The following ADARB2 variants were observed in gnomAD, a reference collection of about 807,000 sequenced individuals.
ADARB2 encodes the protein inactive double-stranded RNA-specific editase B2.
A neutral mutation model predicts 62.2 loss-of-function variants in ADARB2; 25 were observed. The ratio of observed to expected loss-of-function variants is 0.40; its 90% CI spans 0.29 to 0.56. The LOEUF (loss-of-function observed/expected upper bound fraction) is 0.56, where lower values mean the gene tolerates loss of function less well. ADARB2 is among the 20% of genes least tolerant of loss of function. The probability of loss-of-function intolerance (pLI) is 0.43; values close to 1 mark genes in which losing one functional copy is unlikely to be tolerated. For missense variants in ADARB2, 1,071 were observed against 1,077.4 expected (o/e 0.99, Z 0.08); for synonymous variants, 572 against 500.8 (o/e 1.14, Z -1.90).
chr10:1,661,630 C>T (rs187079116), intron 1 of ADARB2, among the ~76,000 whole-genome samples: 1 of 152,282 alleles, frequency 6.6e-6, no homozygotes, highest in Non-Finnish European at 1.5e-5. Flanking sequence ...GAGTACAGAA[C>T]CAGCCCAGAG....
intron 1 of ADARB2, among the ~76,000 whole-genome samples, chr10:1,413,414 C>T (rs572025946): frequency 3.6e-4 from 55 of 152,278 alleles, no homozygotes; most frequent in African/African-American, 1.3e-3. Context: ...CCCAAGCTCT[C>T]GGTCTTGAAT....
At chr10:1,447,211 G>A (rs866046623) in intron 1 of ADARB2, among the ~76,000 whole-genome samples, 37 of 152,344 alleles carry the variant, frequency 2.4e-4, no homozygotes, top group African/African-American at 8.2e-4. Flanking sequence ...AGCTAGCAGC[G>A]CTTTATAACA....
chr10:1,694,858 G>A (rs1400956660), intron 1 of ADARB2, among the ~76,000 whole-genome samples: 1 of 152,162 alleles, frequency 6.6e-6, no homozygotes, highest in African/African-American at 2.4e-5. Flanking sequence ...TCACAGCAAA[G>A]GTGAGGCCTG....
intron 1 of ADARB2, among the ~76,000 whole-genome samples, chr10:1,397,449 C>T (rs11250489): frequency 1.6e-3 from 5 of 3,118 alleles, no homozygotes; most frequent in African/African-American, 1.9e-3. Context: ...CCCTCCCGAG[C>T]GCAGGCTTCC....
intron 1 of ADARB2, among the ~76,000 whole-genome samples, chr10:1,683,633 G>T (rs1476994969): frequency 6.6e-6 from 1 of 152,188 alleles, no homozygotes; most frequent in Non-Finnish European, 1.5e-5. Context: ...GACTCACCAG[G>T]TAACTGTCGC....
rs559147677 is a variant in ADARB2 at position 1,695,844 on chromosome 10, A to G, written c.100+41207T>C. Among the ~76,000 whole-genome samples, 7 of 148,408 alleles carry G rather than the reference A, an allele frequency of 4.7e-5. No individual in the cohort carries two copies. The East Asian group carries it at 9.7e-4, about 21-fold the overall frequency. ...TGTGAGAGTGCATGCATGTGTGTGT[A>G]CATGTGTGCATCCATGTACACACAC... On this transcript the variant is annotated intron_variant, in intron 1 of 9. Transcript: ENST00000381312.
chr10:1,211,957 C>T (rs1837158743), intron 7 of ADARB2, among the ~76,000 whole-genome samples: 1 of 152,210 alleles, frequency 6.6e-6, no homozygotes, highest in African/African-American at 2.4e-5. Flanking sequence ...ACTGCCTGCA[C>T]ATCTCACCAT....
At chr10:1,632,470 T>G (rs1033136756) in intron 1 of ADARB2, among the ~76,000 whole-genome samples, 1 of 152,208 alleles carries the variant, frequency 6.6e-6, no homozygotes, top group South Asian at 2.1e-4. Context: ...TGCACACACA[T>G]GCACACACAC....
chr10:1,327,241 A>ACCTCCTCACTGCCCAGCG (rs1564258200), intron 3 of ADARB2, among the ~76,000 whole-genome samples: 16 of 28,842 alleles, frequency 5.5e-4, no homozygotes, highest in African/African-American at 2.0e-3. Flanking sequence ...ACGGCACAGC[A>ACCTCCTCACTGCCCAGCG]CCTCCTCACT....
chr10:1,410,617 A>G (rs1000717741), intron 1 of ADARB2, among the ~76,000 whole-genome samples: 7 of 152,184 alleles, frequency 4.6e-5, no homozygotes, highest in Non-Finnish European at 8.8e-5. Context: ...TGGAGTCTAC[A>G]TAACTGTTGA....
At chr10:1,308,464 T>A (rs1831652925) in intron 3 of ADARB2, among the ~76,000 whole-genome samples, 1 of 152,216 alleles carries the variant, frequency 6.6e-6, no homozygotes, top group African/African-American at 2.4e-5. Context: ...TAAACATCCA[T>A]GTGCCTTTTT....
intron 1 of ADARB2, among the ~76,000 whole-genome samples, chr10:1,461,185 G>T (rs955958167): frequency 1.3e-5 from 2 of 152,186 alleles, no homozygotes; most frequent in South Asian, 2.1e-4. Context: ...TCCAGAAGAA[G>T]TGCCATATCA....
chr10:1,320,517 C>G (rs566837614), intron 3 of ADARB2, among the ~76,000 whole-genome samples: 1 of 152,166 alleles, frequency 6.6e-6, no homozygotes, highest in South Asian at 2.1e-4. Flanking sequence ...CAAAGTGCCC[C>G]CTCTCAGGCT....
At chr10:1,308,429 T>G (rs1185439904) in intron 3 of ADARB2, among the ~76,000 whole-genome samples, 2 of 152,266 alleles carry the variant, frequency 1.3e-5, no homozygotes, top group Non-Finnish European at 2.9e-5. Flanking sequence ...GCTTTCATGT[T>G]TTGGCAACTA....
intron 1 of ADARB2, among the ~76,000 whole-genome samples, chr10:1,650,867 G>A (rs552602702): frequency 8.5e-5 from 13 of 152,186 alleles, no homozygotes; most frequent in Non-Finnish European, 1.8e-4. Flanking sequence ...GATGTAGCAC[G>A]GTCACCAAAA....
chr10:1,452,618 G>T lies in ADARB2; in HGVS notation c.101-73458C>A, dbSNP rs564572801. On this transcript the variant is annotated intron_variant, in intron 1 of 9. Transcript: ENST00000381312. ...ATGAGAACTCATGGACACGGGGGTT[G>T]GGGGGGGGAATATCACACACTGGGG... is the stretch of plus-strand genomic sequence containing the variant. 5.2e-5 allele frequency among the ~76,000 whole-genome samples: 7 copies of T among 134,150 alleles called. 1 individual carries two copies. The South Asian group carries it at 1.4e-3, about 27-fold the overall frequency. The allele number at this position is 134,150 out of a possible 152,430, so 88.0% of individuals were successfully genotyped here.
chr10:1,510,152 C>CTTTCTTTCTTTCTT (rs1831915956), intron 1 of ADARB2, among the ~76,000 whole-genome samples: 1 of 121,334 alleles, frequency 8.2e-6, no homozygotes, highest in South Asian at 2.6e-4. Flanking sequence ...TTCTTTCTTT[C>CTTTCTTTCTTTCTT]TTTCTTTCTT....
intron 4 of ADARB2, among the ~76,000 whole-genome samples, chr10:1,253,432 A>G (rs547130304): frequency 1.3e-5 from 2 of 152,344 alleles, no homozygotes; most frequent in East Asian, 1.9e-4. Context: ...TGACCATGGC[A>G]TTGCACCATG....
chr10:1,567,362 G>A (rs188090672), intron 1 of ADARB2, among the ~76,000 whole-genome samples: 8 of 152,322 alleles, frequency 5.3e-5, no homozygotes, highest in African/African-American at 1.7e-4. Context: ...AACCCAGTGC[G>A]GTGGGATGGG....
Sources: gnomAD v4.1 joint callset for allele counts (sites outside exome capture counted in the v4.1 genomes callset) on GRCh38, gnomAD v4.1.1 for gene constraint, MANE v1.5 for transcripts, NCBI Gene and HGNC (gene_info 2026-07-23, HGNC 2026-07-21) for gene names.